The following ATXN7L1 variants were observed in gnomAD, a reference collection of about 807,000 sequenced individuals.
ATXN7L1 encodes ataxin 7 like 1.
Under a neutral mutation model 70.8 loss-of-function variants are expected in ATXN7L1, and 15 were observed. The ratio of observed to expected loss-of-function variants is 0.21; its 90% CI spans 0.14 to 0.33. ATXN7L1 has a LOEUF of 0.33. ATXN7L1 is among the 10% of genes least tolerant of loss of function. The pLI is 1.00. For missense variants in ATXN7L1, 975 were observed against 1,097.1 expected (o/e 0.89, Z 1.57); for synonymous variants, 440 against 445.1 (o/e 0.99, Z 0.14).
chr7:105,788,886 G>A (rs1804715342), intron 2 of ATXN7L1, among the ~76,000 whole-genome samples, 178 bp from the exon 3 acceptor site: 1 of 152,228 alleles, frequency 6.6e-6, no homozygotes, highest in African/African-American at 2.4e-5. Context: ...TCTTAGAGAA[G>A]CAAGTGCTTC....
intron 2 of ATXN7L1, among the ~76,000 whole-genome samples, chr7:105,793,133 C>G (rs1442849761): frequency 6.6e-6 from 1 of 152,236 alleles, no homozygotes; most frequent in Non-Finnish European, 1.5e-5. Flanking sequence ...CATCCCATTT[C>G]ACAGATAAGA....
At chr7:105,630,719 A>AAAATAAAT (rs144429337) in intron 7 of ATXN7L1, among the ~76,000 whole-genome samples, 2 of 148,616 alleles carry the variant, frequency 1.3e-5, no homozygotes, top group East Asian at 2.0e-4. Flanking sequence ...CCTGTCTCAA[A>AAAATAAAT]AAATAAATAA....
chr7:105,847,607 A>G (rs929020297), intron 2 of ATXN7L1, among the ~76,000 whole-genome samples: 4 of 152,242 alleles, frequency 2.6e-5, no homozygotes, highest in African/African-American at 7.2e-5. Flanking sequence ...AGAGCTCAGG[A>G]CAGTAGAAAG....
chr7:105,727,750 A>G (rs868663076), intron 3 of ATXN7L1, among the ~76,000 whole-genome samples: 188 of 75,612 alleles, frequency 2.5e-3, no homozygotes, highest in Middle Eastern at 5.2e-3. Context: ...ATGTGTGTAT[A>G]TATATATATA....
intron 4 of ATXN7L1, among the ~76,000 whole-genome samples, chr7:105,648,495 G>A (rs1475883007): frequency 6.6e-6 from 1 of 152,212 alleles, no homozygotes; most frequent in Non-Finnish European, 1.5e-5. Context: ...AGCAAAGGAG[G>A]AAACGGTCAC....
rs993997149 is a variant in ATXN7L1 at position 105,671,648 on chromosome 7, G to A, written c.356-6360C>T. ...ACAGTGGCTCATGCCTGTAATTCCC[G>A]CACTTTGGGAGGCTGAGGCGGGTGG... On this transcript the variant is annotated intron_variant, in intron 3 of 11. Coordinates refer to ENST00000419735, the MANE Select transcript of ATXN7L1 (RefSeq NM_020725.2). Among the ~76,000 whole-genome samples, 19 of 152,100 alleles carry A rather than the reference G, an allele frequency of 1.2e-4. 1 individual carries two copies. The East Asian group carries it at 3.3e-3, about 26-fold the overall frequency.
At chr7:105,803,001 C>A (rs1017796361) in intron 2 of ATXN7L1, among the ~76,000 whole-genome samples, 1 of 152,206 alleles carries the variant, frequency 6.6e-6, no homozygotes, top group Non-Finnish European at 1.5e-5. Flanking sequence ...GGGTCAAATG[C>A]CCACATGAGA....
intron 5 of ATXN7L1, among the ~76,000 whole-genome samples, chr7:105,641,098 T>C (rs1018155904): frequency 6.6e-6 from 1 of 152,132 alleles, no homozygotes; most frequent in African/African-American, 2.4e-5. Flanking sequence ...ATGGTGTTAC[T>C]GATGATATGC....
intron 3 of ATXN7L1, among the ~76,000 whole-genome samples, chr7:105,720,374 A>G (rs1027629004): frequency 1.3e-5 from 2 of 152,180 alleles, no homozygotes; most frequent in Non-Finnish European, 1.5e-5. Flanking sequence ...TCTCTACTAA[A>G]AAAAAATACA....
chr7:105,612,457 C>T (rs1157069466), intron 10 of ATXN7L1, among the ~76,000 whole-genome samples: 3 of 152,144 alleles, frequency 2.0e-5, no homozygotes, highest in Non-Finnish European at 4.4e-5. Flanking sequence ...CCTGCCCAGG[C>T]CTGCTGATTG....
intron 2 of ATXN7L1, among the ~76,000 whole-genome samples, chr7:105,860,775 A>G (rs1288938336): frequency 6.6e-6 from 1 of 152,248 alleles, no homozygotes. Context: ...CAGGTATTTC[A>G]AAAACAAGAT....
At chr7:105,697,048 C>G (rs916570819) in intron 3 of ATXN7L1, among the ~76,000 whole-genome samples, 5 of 152,128 alleles carry the variant, frequency 3.3e-5, no homozygotes, top group Non-Finnish European at 7.4e-5. Flanking sequence ...AAGTACTTAA[C>G]AGGGTAATAG....
At chr7:105,867,882 C>T (rs1173159098) in intron 2 of ATXN7L1, among the ~76,000 whole-genome samples, 1 of 152,180 alleles carries the variant, frequency 6.6e-6, no homozygotes, top group African/African-American at 2.4e-5. Context: ...GGAGACACTG[C>T]TGGCATCTAG....
chr7:105,692,098 C>T lies in ATXN7L1; in HGVS notation c.356-26810G>A, dbSNP rs369628135. 1.2e-4 allele frequency among the ~76,000 whole-genome samples: 18 copies of T among 151,956 alleles called. No homozygotes were observed. In the East Asian group the frequency reaches 1.5e-3, roughly 13 times the overall value. On this transcript the variant is annotated intron_variant, in intron 3 of 11. Coordinates refer to ENST00000419735, the MANE Select transcript of ATXN7L1 (RefSeq NM_020725.2). ...TTGAAGGAAATGTAGATATTGGCAG[C>T]TGAAGGACAGACGTCATGCTACTTT...
chr7:105,876,382 G>A lies in ATXN7L1; in HGVS notation c.177C>T (p.Ser59=). The part of the protein sequence containing the change: ...SWIDAAKLHC[S]DNVDLEEAGK... ...AGGAGGTGGTGGGGTTCTTACTGTCGGAGCAGTGTAATTTGGCGGCGTCGA... is the reference window on the plus strand; with the variant it reads ...AGGAGGTGGTGGGGTTCTTACTGTCAGAGCAGTGTAATTTGGCGGCGTCGA... The change falls in exon 1 of 12, where the codon TCC becomes TCT. Residue 59 remains serine (S), a synonymous_variant. Transcript: ENST00000419735. 1 of 1,605,132 alleles carries A rather than the reference G, an allele frequency of 6.2e-7. No homozygotes were observed. Among genetic ancestry groups the A allele is most frequent in the Non-Finnish European group, 8.5e-7 (1 of 1,175,416 alleles).
intron 3 of ATXN7L1, among the ~76,000 whole-genome samples, chr7:105,681,479 G>A (rs1339128652): frequency 2.6e-5 from 4 of 152,196 alleles, no homozygotes; most frequent in Non-Finnish European, 5.9e-5. Flanking sequence ...CAGCCACTAT[G>A]AAGAAGAGTA....
chr7:105,798,903 C>T lies in ATXN7L1; in HGVS notation c.251-10195G>A, dbSNP rs539052016. 4.7e-4 allele frequency among the ~76,000 whole-genome samples: 72 copies of T among 152,292 alleles called. 1 individual carries two copies. The highest frequency in any genetic ancestry group is 1.5e-3 in the African/African-American group (64 of 41,564). On this transcript the variant is annotated intron_variant, in intron 2 of 11. Coordinates refer to ENST00000419735, the MANE Select transcript of ATXN7L1 (RefSeq NM_020725.2). ...GATCAGTTGTATGTGGGAGCTAAAACGCTGTATTAAGGGCTCTCATAGCTC... is the reference window on the plus strand; with the variant it reads ...GATCAGTTGTATGTGGGAGCTAAAATGCTGTATTAAGGGCTCTCATAGCTC...
chr7:105,608,804 G>A (rs1044055459), intron 11 of ATXN7L1, among the ~76,000 whole-genome samples: 2 of 152,100 alleles, frequency 1.3e-5, no homozygotes, highest in Admixed American at 6.5e-5. Context: ...AAATCCCAAA[G>A]GGCAAAATAC....
chr7:105,873,721 A>G (rs573846520), intron 2 of ATXN7L1, among the ~76,000 whole-genome samples: 56 of 152,340 alleles, frequency 3.7e-4, no homozygotes, highest in African/African-American at 1.3e-3. Flanking sequence ...TAATGCAAAT[A>G]TGTATAATTA....
Sources: gnomAD v4.1 joint callset for allele counts (sites outside exome capture counted in the v4.1 genomes callset) on GRCh38, gnomAD v4.1.1 for gene constraint, MANE v1.5 for transcripts, NCBI Gene and HGNC (gene_info 2026-07-23, HGNC 2026-07-21) for gene names.